ZNF407: variants seen among roughly 807,000 people sequenced by gnomAD.
ZNF407 encodes the protein zinc finger protein 407.
A neutral mutation model predicts 131.2 loss-of-function variants in ZNF407; 17 were observed. That is an observed-to-expected ratio of 0.13 (90% CI 0.09 to 0.19). The LOEUF (loss-of-function observed/expected upper bound fraction) is 0.19. Ranked by LOEUF, ZNF407 falls within the 10% of genes least tolerant of loss-of-function variation. ZNF407 has a pLI of 1.00. For synonymous variants in ZNF407, 1,156 were observed against 1,062.0 expected, an observed-to-expected ratio of 1.09 and a Z score of -1.72; for missense variants, 2,681 against 2,830.6, an observed-to-expected ratio of 0.95 and a Z score of 1.20.
Position 74,990,660 on chromosome 18 carries a change from CTG to C in ZNF407, c.5428+69971_5428+69972del, listed in dbSNP as rs538209292. Among the ~76,000 whole-genome samples the C allele has an allele frequency of 3.0e-3, 451 of 152,288 alleles. 1 individual carries two copies. Among genetic ancestry groups the C allele is most frequent in the Non-Finnish European group, 4.8e-3 (328 of 68,020 alleles). On this transcript the variant is annotated intron_variant, in intron 8 of 8. Transcript: ENST00000299687. Reference sequence around the variant, plus strand: ...TTTTGCAGAAGTGATTTTTGGGAAACTGTGAGCTTTCATAAATGCCACATTAA... The same window carrying C: ...TTTTGCAGAAGTGATTTTTGGGAAACTGAGCTTTCATAAATGCCACATTAA...
intron 8 of ZNF407, among the ~76,000 whole-genome samples, chr18:74,988,097 G>A (rs144267469): frequency 4.6e-4 from 70 of 152,240 alleles, no homozygotes; most frequent in Non-Finnish European, 9.0e-4. Flanking sequence ...AAACATAGTC[G>A]GAAGGCCACA....
chr18:74,721,342 AT>A (rs1328762242), intron 3 of ZNF407, among the ~76,000 whole-genome samples: 1 of 152,198 alleles, frequency 6.6e-6, no homozygotes. Context: ...CAAGACAACG[AT>A]GCCCACTCTT....
intron 1 of ZNF407, among the ~76,000 whole-genome samples, chr18:74,606,128 A>G (rs1434465461): frequency 6.6e-6 from 1 of 152,224 alleles, no homozygotes; most frequent in Non-Finnish European, 1.5e-5. Flanking sequence ...TTTTCCAGAA[A>G]ATAAATGAGA....
At chr18:74,731,742 A>G (rs1968298909) in intron 3 of ZNF407, among the ~76,000 whole-genome samples, 1 of 152,102 alleles carries the variant, frequency 6.6e-6, no homozygotes. Flanking sequence ...TAGAGGAGTG[A>G]GTGTCAAAGT....
intron 3 of ZNF407, among the ~76,000 whole-genome samples, chr18:74,775,821 A>G (rs1209356361): frequency 1.3e-5 from 2 of 152,148 alleles, no homozygotes; most frequent in Non-Finnish European, 2.9e-5. Flanking sequence ...TCATGGCAGA[A>G]AGTTAAAGTG....
At chr18:74,656,885 T>C (rs1287920918) in intron 3 of ZNF407, among the ~76,000 whole-genome samples, 1 of 152,236 alleles carries the variant, frequency 6.6e-6, no homozygotes, top group Non-Finnish European at 1.5e-5. Context: ...TTTAGGTGAA[T>C]TTAATAATTT....
chr18:74,678,337 T>A (rs184566468), intron 3 of ZNF407, among the ~76,000 whole-genome samples: 1 of 152,316 alleles, frequency 6.6e-6, no homozygotes, highest in East Asian at 1.9e-4. Flanking sequence ...ACCCTTTTAC[T>A]CTTAGAGTAC....
chr18:74,765,294 T>C (rs1212747165), intron 3 of ZNF407, among the ~76,000 whole-genome samples: 1 of 152,230 alleles, frequency 6.6e-6, no homozygotes, highest in African/African-American at 2.4e-5. Flanking sequence ...CTCCTTATTA[T>C]TGTTCATATT....
chr18:74,984,141 T>C (rs1262788427), intron 8 of ZNF407, among the ~76,000 whole-genome samples: 1 of 152,188 alleles, frequency 6.6e-6, no homozygotes, highest in Non-Finnish European at 1.5e-5. Context: ...TAACCAGTAG[T>C]TAACAGAACT....
chr18:74,746,884 A>G (rs1255199899), intron 3 of ZNF407, among the ~76,000 whole-genome samples: 1 of 152,202 alleles, frequency 6.6e-6, no homozygotes, highest in Non-Finnish European at 1.5e-5. Context: ...GTTGTTTACT[A>G]TCATTATCAG....
intron 3 of ZNF407, among the ~76,000 whole-genome samples, chr18:74,692,995 C>T (rs1242799911): frequency 6.6e-6 from 1 of 152,220 alleles, no homozygotes; most frequent in Non-Finnish European, 1.5e-5. Context: ...CAGTCTTTCT[C>T]ATCTGTGCCA....
intron 8 of ZNF407, among the ~76,000 whole-genome samples, chr18:74,983,169 AT>A (rs879379497): frequency 4.0e-5 from 6 of 150,056 alleles, no homozygotes; most frequent in East Asian, 3.9e-4. Flanking sequence ...AAACTGCACT[AT>A]TTTTTTTTTA....
At chr18:74,977,096 G>C (rs1194913275) in intron 8 of ZNF407, among the ~76,000 whole-genome samples, 1 of 152,222 alleles carries the variant, frequency 6.6e-6, no homozygotes, top group African/African-American at 2.4e-5. Context: ...CCATGTTTAT[G>C]TGTTTTTAAT....
chr18:74,785,601 T>C (rs1035529995), intron 4 of ZNF407, among the ~76,000 whole-genome samples: 4 of 152,216 alleles, frequency 2.6e-5, no homozygotes, highest in Admixed American at 2.0e-4. Context: ...CTCTATTTTC[T>C]CAAAAACTTG....
At chr18:74,857,420 C>G (rs1970874474) in intron 4 of ZNF407, among the ~76,000 whole-genome samples, 1 of 152,062 alleles carries the variant, frequency 6.6e-6, no homozygotes, top group Non-Finnish European at 1.5e-5. Context: ...AGTAAGGAAA[C>G]AAATCAATTT....
chr18:74,690,447 TGG>T (rs915705430), intron 3 of ZNF407, among the ~76,000 whole-genome samples: 1 of 133,908 alleles, frequency 7.5e-6, no homozygotes, highest in Admixed American at 7.7e-5. Flanking sequence ...TTTGTTTTTT[TGG>T]GGGTTTTTTT....
chr18:74,723,130 T>C (rs1417604204), intron 3 of ZNF407, among the ~76,000 whole-genome samples: 2 of 152,180 alleles, frequency 1.3e-5, no homozygotes, highest in Non-Finnish European at 2.9e-5. Context: ...GTTATTTTAT[T>C]TTTGTTTCTA....
chr18:74,619,927 A>G (rs1983448327), intron 1 of ZNF407, among the ~76,000 whole-genome samples: 2 of 152,042 alleles, frequency 1.3e-5, no homozygotes, highest in African/African-American at 4.8e-5. Context: ...AAACGATCCT[A>G]GGTGTCTGCT....
intron 6 of ZNF407, among the ~76,000 whole-genome samples, chr18:74,887,840 A>G (rs1599222256): frequency 6.6e-6 from 1 of 152,300 alleles, no homozygotes; most frequent in South Asian, 2.1e-4. Flanking sequence ...GAAATATGGC[A>G]AAACTGGGAT....
Sources: allele counts gnomAD v4.1 joint callset (sites outside exome capture counted in the v4.1 genomes callset), GRCh38; gene constraint gnomAD v4.1.1; transcripts MANE v1.5; gene names NCBI Gene and HGNC (gene_info 2026-07-23, HGNC 2026-07-21).